Variants in OSBPL1A observed in about 807,000 individuals in gnomAD.
OSBPL1A encodes the protein oxysterol-binding protein-related protein 1.
In OSBPL1A, 80 loss-of-function variants were observed where a neutral mutation model predicts 137.1. The ratio of observed to expected loss-of-function variants is 0.58; its 90% CI spans 0.49 to 0.70. The LOEUF (loss-of-function observed/expected upper bound fraction) is 0.70. Among genes scored for constraint, OSBPL1A ranks in the 30% least tolerant of loss-of-function variants. OSBPL1A has a pLI of 0.00. For synonymous variants in OSBPL1A, 365 were observed against 389.7 expected (o/e 0.94, Z 0.75); for missense variants, 970 against 1,129.4 (o/e 0.86, Z 2.02).
At chr18:24,206,272 T>A (rs2087372980) in intron 17 of OSBPL1A, among the ~76,000 whole-genome samples, 1 of 152,174 alleles carries the variant, frequency 6.6e-6, no homozygotes, top group African/African-American at 2.4e-5. Context: ...GAAGAGATTT[T>A]TCAAATTAAT....
intron 15 of OSBPL1A, among the ~76,000 whole-genome samples, chr18:24,258,392 T>A (rs955343358): frequency 6.6e-6 from 1 of 152,208 alleles, no homozygotes; most frequent in African/African-American, 2.4e-5. Context: ...CATTGCATGT[T>A]CTCACTTATT....
chr18:24,347,597 A>C (rs2091366808), intron 4 of OSBPL1A: 1 of 152,174 alleles, frequency 6.6e-6, no homozygotes, highest in South Asian at 2.1e-4. Context: ...TAATCCCAGC[A>C]CTTTGGGAGG....
chr18:24,237,245 A>C (rs1443619011), intron 16 of OSBPL1A, among the ~76,000 whole-genome samples: 1 of 152,228 alleles, frequency 6.6e-6, no homozygotes, highest in African/African-American at 2.4e-5. Flanking sequence ...CTGGGTTCTC[A>C]CATACTTTTA....
At chr18:24,283,263 T>C (rs1209746417) in intron 14 of OSBPL1A, among the ~76,000 whole-genome samples, 2 of 4,598 alleles carry the variant, frequency 4.3e-4, no homozygotes, top group Non-Finnish European at 9.7e-4. Context: ...AGACTCCATC[T>C]CAAAAAAAAA....
intron 18 of OSBPL1A, among the ~76,000 whole-genome samples, chr18:24,183,943 C>T (rs1206612758): frequency 2.0e-5 from 3 of 152,098 alleles, no homozygotes; most frequent in Non-Finnish European, 4.4e-5. Flanking sequence ...CTTTACTAGC[C>T]GTGTAGCTTT....
chr18:24,212,943 G>T (rs966363398), intron 17 of OSBPL1A, among the ~76,000 whole-genome samples: 4 of 152,152 alleles, frequency 2.6e-5, no homozygotes, highest in African/African-American at 9.7e-5. Flanking sequence ...AACTCTTCCT[G>T]CATGACTGTT....
chr18:24,339,762 C>T (rs1406203723), intron 5 of OSBPL1A, among the ~76,000 whole-genome samples: 1 of 152,178 alleles, frequency 6.6e-6, no homozygotes, highest in Non-Finnish European at 1.5e-5. Flanking sequence ...ATTCATATAA[C>T]ACAGTGTCTG....
chr18:24,239,928 T>C (rs2088633781), intron 15 of OSBPL1A, among the ~76,000 whole-genome samples: 1 of 132,468 alleles, frequency 7.5e-6, no homozygotes, highest in Non-Finnish European at 1.6e-5. Context: ...TTTTTCTCTT[T>C]TTTTTTTTTT....
At chr18:24,209,044 A>G (rs2087454620) in intron 17 of OSBPL1A, among the ~76,000 whole-genome samples, 1 of 152,218 alleles carries the variant, frequency 6.6e-6, no homozygotes, top group Non-Finnish European at 1.5e-5. Flanking sequence ...GAGCACTAAC[A>G]TAATAGAAAA....
intron 17 of OSBPL1A, among the ~76,000 whole-genome samples, chr18:24,216,168 C>T (rs955358221): frequency 4.6e-5 from 7 of 152,190 alleles, no homozygotes; most frequent in African/African-American, 1.7e-4. Flanking sequence ...TGTAACTTTA[C>T]AACCAGCTTT....
intron 4 of OSBPL1A, among the ~76,000 whole-genome samples, chr18:24,344,007 G>C (rs2091307094): frequency 6.6e-6 from 1 of 151,912 alleles, no homozygotes; most frequent in Non-Finnish European, 1.5e-5. Flanking sequence ...GAGAGAAAAA[G>C]GAAACCCAGA....
chr18:24,374,372 T>C (rs1169557852), intron 2 of OSBPL1A, among the ~76,000 whole-genome samples: 2 of 152,056 alleles, frequency 1.3e-5, no homozygotes, highest in Non-Finnish European at 2.9e-5. Flanking sequence ...GCCAGCCCTT[T>C]CTGGGACTGA....
intron 23 of OSBPL1A, chr18:24,170,752 T>C: frequency 3.4e-6 from 1 of 291,906 alleles, no homozygotes; most frequent in Non-Finnish European, 6.4e-6. Context: ...GCTCAAGGGT[T>C]CCTCCCACCT....
At chr18:24,207,878 T>C (rs375646916) in intron 17 of OSBPL1A, among the ~76,000 whole-genome samples, 38 of 152,274 alleles carry the variant, frequency 2.5e-4, no homozygotes, top group African/African-American at 8.4e-4. Context: ...CCGGAGTAGC[T>C]GGCACTACAA....
chr18:24,172,528 CTTTG>C, intron 21 of OSBPL1A, 45 bp from the exon 22 acceptor site: 1 of 1,403,776 alleles, frequency 7.1e-7, no homozygotes, highest in Non-Finnish European at 1.0e-6. Flanking sequence ...AGAGGTATCA[CTTTG>C]TTTAAAAAGT....
intron 18 of OSBPL1A, among the ~76,000 whole-genome samples, chr18:24,191,646 T>C (rs888409664): frequency 6.6e-6 from 1 of 152,216 alleles, no homozygotes; most frequent in Non-Finnish European, 1.5e-5. Flanking sequence ...TTATAGAATA[T>C]AGCTTTTTAA....
intron 23 of OSBPL1A, 23 bp from the exon 24 acceptor site, chr18:24,170,476 A>G: frequency 6.2e-7 from 1 of 1,613,740 alleles, no homozygotes; most frequent in African/African-American, 1.3e-5. Context: ...ACTGATGTTT[A>G]GTTAACAAAC....
chr18:24,193,958 G>T (rs2086958318), intron 18 of OSBPL1A, among the ~76,000 whole-genome samples: 1 of 152,178 alleles, frequency 6.6e-6, no homozygotes, highest in African/African-American at 2.4e-5. Flanking sequence ...TCAGAACATA[G>T]CAGGTGCAAT....
chr18:24,177,905 CT>C, intron 21 of OSBPL1A, 107 bp downstream of exon 21: 2 of 1,093,032 alleles, frequency 1.8e-6, no homozygotes, highest in South Asian at 3.4e-5. Context: ...TGTATGAAAG[CT>C]GTTTCTTTTT....
Sources: allele counts gnomAD v4.1 joint callset (sites outside exome capture counted in the v4.1 genomes callset), GRCh38; gene constraint gnomAD v4.1.1; transcripts MANE v1.5; gene names NCBI Gene and HGNC (gene_info 2026-07-23, HGNC 2026-07-21).